The following DNAH10 variants were observed in gnomAD, a reference collection of about 807,000 sequenced individuals.
The protein encoded by DNAH10 is axonemal beta dynein heavy chain 10.
A neutral mutation model predicts 506.6 loss-of-function variants in DNAH10; 348 were observed. The ratio of observed to expected loss-of-function variants is 0.69; its 90% CI spans 0.63 to 0.75. The LOEUF is 0.75. Among genes scored for constraint, DNAH10 ranks in the 30% least tolerant of loss-of-function variants. The pLI is 0.00. For synonymous variants in DNAH10, 2,059 were observed against 2,198.6 expected, an observed-to-expected ratio of 0.94 and a Z score of 1.78; for missense variants, 5,179 against 5,787.1, an observed-to-expected ratio of 0.89 and a Z score of 3.41.
intron 36 of DNAH10, among the ~76,000 whole-genome samples, chr12:123,856,191 A>T (rs1684441879): frequency 6.8e-6 from 1 of 147,442 alleles, no homozygotes; most frequent in Non-Finnish European, 1.5e-5. Context: ...GATATAAAAT[A>T]TATAAATTTT....
At position 123,928,623 on chromosome 12, in the gene DNAH10, G is replaced by A. The variant is rs375736667; in HGVS notation, c.12306+36G>A. The A allele has an allele frequency of 1.1e-4, 164 of 1,556,680 alleles. 1 individual carries two copies. The highest frequency in any genetic ancestry group is 7.2e-4 in the South Asian group (61 of 84,766). ...AGGATGGACATCAACATGCCAGCAC[G>A]CAGCTTCTCAGAACACCTGCATGCT... On this transcript the variant is annotated intron_variant, in intron 70 of 78. Transcript: ENST00000673944. This position sits in a 1 kb window ranked among gnomAD's most constrained non-coding sequence, Gnocchi z 4.9.
chr12:123,827,042 G>T, intron 25 of DNAH10, 144 bp downstream of exon 25: 4 of 625,642 alleles, frequency 6.4e-6, no homozygotes, highest in Non-Finnish European at 1.0e-5. Flanking sequence ...GCACGACACA[G>T]TTCTATAATG....
chr12:123,845,311 A>G (rs1333509184), intron 30 of DNAH10, among the ~76,000 whole-genome samples: 1 of 152,168 alleles, frequency 6.6e-6, no homozygotes, highest in Non-Finnish European at 1.5e-5. Context: ...AACATTTAAA[A>G]AGTGATCTGG....
chr12:123,894,628 C>T lies in DNAH10; in HGVS notation c.9200-15C>T. The T allele has an allele frequency of 6.2e-7, 1 of 1,612,532 alleles. No individual in the cohort carries two copies. Among genetic ancestry groups the T allele is most frequent in the Non-Finnish European group, 8.5e-7 (1 of 1,178,630 alleles). On this transcript the variant is annotated splice_polypyrimidine_tract_variant and intron_variant, in intron 53 of 78. Transcript: ENST00000673944. ...CAGGCTGGGAGCATCTTTTTAATCT[C>T]TCTTTCCTTTCAAGGTATGGTAAAT...
Position 123,931,717 on chromosome 12 carries a change from T to C in DNAH10, c.12998T>C (p.Phe4333Ser). 1.9e-6 allele frequency: 3 copies of C among 1,614,036 alleles called. No homozygotes were observed. Among genetic ancestry groups the C allele is most frequent in the Non-Finnish European group, 2.5e-6 (3 of 1,179,902 alleles). ...KEIENKMPKV[F>S]DLDQVRKRLG... ...ATAGAAAACAAGATGCCCAAAGTCT[T>C]TGACTTGGACCAGGTGAGGAAGCGC... The change falls in exon 75 of 79, where the codon TTT becomes TCT. Residue 4333 changes from phenylalanine to serine, a missense_variant. This residue lies in a region of DNAH10 where 4,844 missense variants were observed against 5,430.5 expected (regional missense o/e 0.89). Coordinates refer to ENST00000673944, the MANE Select transcript of DNAH10 (RefSeq NM_001372106.1).
In DNAH10 at chr12:123,915,093, CAGCGAGGCTGGGCT is replaced by C. The variant is rs1053794208; in HGVS notation, c.10722+95_10722+108del. The C allele has an allele frequency of 2.6e-4, 376 of 1,433,794 alleles. 1 individual carries two copies. Among genetic ancestry groups the C allele is most frequent in the Non-Finnish European group, 3.2e-4 (347 of 1,085,382 alleles). The allele number at this position is 1,433,794 out of a possible 1,614,324, so 88.8% of individuals were successfully genotyped here. A position where few individuals can be genotyped will look rare whatever the true frequency, so the allele number is the denominator to read the frequency against. On this transcript the variant is annotated intron_variant, in intron 62 of 78. Transcript: ENST00000673944. The stretch of plus-strand genomic sequence containing the variant: ...TCCTGTACGTGGCAGTCCCTAGCCT[CAGCGAGGCTGGGCT>C]GAAATGCTTCCATCCTGACCCCCAT...
Position 123,902,198 on chromosome 12 carries a change from A to G in DNAH10, c.9641-741A>G, listed in dbSNP as rs929689866. Among the ~76,000 whole-genome samples, 1 of 152,024 alleles carries G rather than the reference A, an allele frequency of 6.6e-6. No individual in the cohort carries two copies. Among genetic ancestry groups the G allele is most frequent in the African/African-American group, 2.4e-5 (1 of 41,390 alleles). Reference sequence around the variant, plus strand: ...TGGCCTTCTGATAGGGACCCCAGGCATTGGATTTAGGGCCCACCCTCACCC... The same window carrying G: ...TGGCCTTCTGATAGGGACCCCAGGCGTTGGATTTAGGGCCCACCCTCACCC... On this transcript the variant is annotated intron_variant, in intron 56 of 78. Coordinates refer to ENST00000673944, the MANE Select transcript of DNAH10 (RefSeq NM_001372106.1). This position sits in a 1 kb window ranked among gnomAD's most constrained non-coding sequence, Gnocchi z 4.5.
At chr12:123,897,082 G>C (rs558726195) in intron 54 of DNAH10, among the ~76,000 whole-genome samples, 15 of 152,160 alleles carry the variant, frequency 9.9e-5, no homozygotes, top group Admixed American at 9.2e-4. Context: ...GAGAGGGTTC[G>C]TATAAGTGGA....
intron 50 of DNAH10, 68 bp downstream of exon 50, chr12:123,879,869 C>G: frequency 1.3e-6 from 2 of 1,553,962 alleles, no homozygotes; most frequent in Non-Finnish European, 1.7e-6. Context: ...GGGAGCTGAG[C>G]ATCGCGCGGG....
intron 48 of DNAH10, 92 bp downstream of exon 48, chr12:123,878,000 A>G: frequency 7.0e-7 from 1 of 1,435,540 alleles, no homozygotes; most frequent in East Asian, 2.3e-5. Context: ...GGATTTGATG[A>G]ATCGTTGTAT....
intron 24 of DNAH10, among the ~76,000 whole-genome samples, chr12:123,825,718 T>A (rs1959913084): frequency 6.6e-6 from 1 of 152,174 alleles, no homozygotes; most frequent in Admixed American, 6.5e-5. Flanking sequence ...ATGAGTTTGC[T>A]ATCTTGATTG....
chr12:123,930,571 T>C lies in DNAH10; in HGVS notation c.12782T>C (p.Val4261Ala). Residue 4261 changes from valine (V) to alanine (A), a missense_variant and splice_region_variant, in exon 73 of 79, where the codon GTT (valine) becomes GCT (alanine). Physicochemically the swap from Val to Ala is moderately conservative, Grantham distance 64. Around this residue, in one of 3 missense-constraint regions of DNAH10, gnomAD observed 4,844 missense variants for 5,430.5 expected, o/e 0.89. Coordinates refer to ENST00000673944, the MANE Select transcript of DNAH10 (RefSeq NM_001372106.1). ...IPVGDEKEKF[V>A]EAIEALPLAN... ...GTTGGTGATGAAAAGGAGAAATTTGTTGGTGAGATTTCTCAGACATGAAAA... is the reference window on the plus strand; with the variant it reads ...GTTGGTGATGAAAAGGAGAAATTTGCTGGTGAGATTTCTCAGACATGAAAA... The C allele has an allele frequency of 6.2e-7, 1 of 1,605,522 alleles. No individual in the cohort carries two copies. Among genetic ancestry groups the C allele is most frequent in the Non-Finnish European group, 8.5e-7 (1 of 1,177,782 alleles).
At position 123,787,764 on chromosome 12, in the gene DNAH10, C is replaced by T; in HGVS notation, c.1422-40C>T. On this transcript the variant is annotated intron_variant, in intron 9 of 78. Transcript: ENST00000673944. The surrounding 1 kb of genome is among the most constrained non-coding windows in gnomAD (Gnocchi z 4.6). ...CGGGGAGTGCGGCTCGGACCCGGAGCTCCGCCCTCCTCCCATCACGGCATC... is the reference window on the plus strand; with the variant it reads ...CGGGGAGTGCGGCTCGGACCCGGAGTTCCGCCCTCCTCCCATCACGGCATC... The T allele has an allele frequency of 6.3e-7, 1 of 1,591,302 alleles. No individual in the cohort carries two copies. Among genetic ancestry groups the T allele is most frequent in the South Asian group, 1.1e-5 (1 of 87,854 alleles).
rs770142254 is a variant in DNAH10, at chr12:123,916,746, T to G, written c.11002+10T>G. The G allele has an allele frequency of 6.3e-7, 1 of 1,597,270 alleles. No homozygotes were observed. The highest frequency in any genetic ancestry group is 1.1e-5 in the South Asian group (1 of 89,058). ...GTGATCAATTACACTGGTAAGAATG[T>G]GTAGAACCTCCACTGCTAATTCAGA... On this transcript the variant is annotated intron_variant, in intron 63 of 78. Transcript: ENST00000673944. The surrounding 1 kb of genome is among the most constrained non-coding windows in gnomAD (Gnocchi z 4.6).
chr12:123,878,242 C>T (rs748899709), intron 48 of DNAH10, among the ~76,000 whole-genome samples: 12 of 152,030 alleles, frequency 7.9e-5, no homozygotes, highest in African/African-American at 1.2e-4. Flanking sequence ...CAGTCGTTGC[C>T]GGTTGGTTAT....
chr12:123,781,371 C>T (rs1594003352), intron 6 of DNAH10, 72 bp downstream of exon 6: 3 of 1,381,924 alleles, frequency 2.2e-6, no homozygotes, highest in East Asian at 2.3e-5. Context: ...AGGTGCATGC[C>T]ACCATGCCTG....
At chr12:123,767,173 G>T (rs1957079483) in intron 1 of DNAH10, among the ~76,000 whole-genome samples, 1 of 152,166 alleles carries the variant, frequency 6.6e-6, no homozygotes, top group Non-Finnish European at 1.5e-5. Context: ...CTTCCAAAGT[G>T]CTGGGATTAC....
intron 52 of DNAH10, among the ~76,000 whole-genome samples, chr12:123,890,434 C>A (rs1327472774): frequency 2.7e-5 from 4 of 149,742 alleles, no homozygotes; most frequent in Admixed American, 2.0e-4. Context: ...CCACAACCAG[C>A]TGATTAAAAA....
Position 123,933,332 on chromosome 12 carries a change from T to G in DNAH10, c.13298T>G (p.Val4433Gly). The change falls in exon 77 of 79, where the codon GTG becomes GGG. Residue 4433 changes from valine (V) to glycine (G), a missense_variant and splice_region_variant. Physicochemically the swap from Val to Gly is moderately radical, Grantham distance 109 (BLOSUM62 -3). Around this residue, in one of 3 missense-constraint regions of DNAH10, gnomAD observed 4,844 missense variants for 5,430.5 expected, o/e 0.89. Transcript: ENST00000673944. ...LRRFSQYMLWVTESEPSVMWL... is the reference protein window; with the variant it reads ...LRRFSQYMLWGTESEPSVMWL... Reference sequence around the variant, plus strand: ...GCACTTGTCCTCTCTTCTCTCCAGGTGACCGAGAGCGAGCCCAGCGTGATG... The same window carrying G: ...GCACTTGTCCTCTCTTCTCTCCAGGGGACCGAGAGCGAGCCCAGCGTGATG... 6.4e-7 allele frequency: 1 copy of G among 1,557,584 alleles called. No homozygotes were observed. Among genetic ancestry groups the G allele is most frequent in the Non-Finnish European group, 8.7e-7 (1 of 1,148,870 alleles).
Sources: gnomAD v4.1 joint callset for allele counts (sites outside exome capture counted in the v4.1 genomes callset) on GRCh38, gnomAD v4.1.1 for gene constraint, gnomAD v4.1.1 regional missense constraint, Gnocchi (gnomAD v3.1) non-coding constraint, MANE v1.5 for transcripts, NCBI Gene and HGNC (gene_info 2026-07-23, HGNC 2026-07-21) for gene names.